The following PCDH9 variants were observed in gnomAD, a reference collection of about 807,000 sequenced individuals.
PCDH9 encodes the protein protocadherin 9, also known as protocadherin-9.
PCDH9 carries 24 observed loss-of-function variants against 70.6 expected under a neutral mutation model. The ratio of observed to expected loss-of-function variants is 0.34; its 90% CI spans 0.25 to 0.48. The LOEUF is 0.48. Ranked by LOEUF, PCDH9 falls within the 20% of genes least tolerant of loss-of-function variation. The pLI is 0.99. For synonymous variants in PCDH9, 562 were observed against 558.5 expected (o/e 1.01, Z -0.09); for missense variants, 1,281 against 1,503.6 (o/e 0.85, Z 2.45).
intron 2 of PCDH9, among the ~76,000 whole-genome samples, chr13:67,060,006 A>AG: frequency 6.6e-6 from 1 of 151,166 alleles, no homozygotes; most frequent in East Asian, 1.9e-4. Flanking sequence ...TATGAGTATG[A>AG]GGGGGTGTGG....
intron 3 of PCDH9, among the ~76,000 whole-genome samples, chr13:66,796,946 G>A (rs1566200298): frequency 6.6e-6 from 1 of 152,010 alleles, no homozygotes; most frequent in Non-Finnish European, 1.5e-5. Flanking sequence ...GGTGAGCACT[G>A]GAGAAAAAAA....
intron 3 of PCDH9, among the ~76,000 whole-genome samples, chr13:66,873,593 A>G (rs1474610288): frequency 6.6e-6 from 1 of 152,188 alleles, no homozygotes; most frequent in Non-Finnish European, 1.5e-5. Flanking sequence ...ATTGAATGCT[A>G]TAAATGTGTT....
intron 2 of PCDH9, among the ~76,000 whole-genome samples, chr13:67,045,765 C>T (rs1180759867): frequency 3.3e-5 from 5 of 152,058 alleles, no homozygotes; most frequent in African/African-American, 1.2e-4. Flanking sequence ...TGTGAGGCTT[C>T]GAGTTACTTT....
At chr13:67,024,301 G>T (rs2084736269) in intron 2 of PCDH9, among the ~76,000 whole-genome samples, 1 of 152,124 alleles carries the variant, frequency 6.6e-6, no homozygotes, top group Non-Finnish European at 1.5e-5. Flanking sequence ...GCAAACATTT[G>T]TATCAGAGTT....
intron 3 of PCDH9, among the ~76,000 whole-genome samples, chr13:66,749,746 T>G (rs1332766974): frequency 6.6e-6 from 1 of 152,128 alleles, no homozygotes; most frequent in African/African-American, 2.4e-5. Flanking sequence ...ACCTCTAGGT[T>G]CCAACACAAC....
At chr13:66,722,280 A>G (rs572871777) in intron 3 of PCDH9, among the ~76,000 whole-genome samples, 2 of 152,290 alleles carry the variant, frequency 1.3e-5, no homozygotes, top group East Asian at 3.9e-4. Context: ...TATGGTTAGA[A>G]CATAACTGCA....
intron 2 of PCDH9, among the ~76,000 whole-genome samples, chr13:66,984,417 G>A (rs1192457823): frequency 1.3e-5 from 2 of 152,008 alleles, no homozygotes; most frequent in Admixed American, 6.6e-5. Flanking sequence ...TAACAGATTT[G>A]CATGTGTTGC....
At chr13:66,739,154 C>T (rs1453848450) in intron 3 of PCDH9, among the ~76,000 whole-genome samples, 12 of 144,968 alleles carry the variant, frequency 8.3e-5, no homozygotes, top group Non-Finnish European at 1.2e-4. Flanking sequence ...CGGCAGAAAC[C>T]CTACAAGCTA....
chr13:66,655,951 T>C (rs1394840868), intron 3 of PCDH9, among the ~76,000 whole-genome samples: 1 of 152,218 alleles, frequency 6.6e-6, no homozygotes, highest in African/African-American at 2.4e-5. Flanking sequence ...GTTTAATGCC[T>C]GAGTGCTATA....
chr13:66,473,026 A>AT (rs1373459296), intron 4 of PCDH9, among the ~76,000 whole-genome samples: 2 of 151,762 alleles, frequency 1.3e-5, no homozygotes, highest in Non-Finnish European at 2.9e-5. Flanking sequence ...TAAATTTTAT[A>AT]TTTTTTATGG....
chr13:66,879,555 A>G (rs1339579762), intron 3 of PCDH9, among the ~76,000 whole-genome samples: 7 of 152,196 alleles, frequency 4.6e-5, no homozygotes, highest in African/African-American at 1.7e-4. Flanking sequence ...AGCTTTGGAA[A>G]AGAAACTAAT....
At chr13:66,389,701 G>T (rs991356023) in intron 4 of PCDH9, among the ~76,000 whole-genome samples, 1 of 152,094 alleles carries the variant, frequency 6.6e-6, no homozygotes, top group Non-Finnish European at 1.5e-5. Context: ...TGAGCTAGAG[G>T]GGTCTAAATG....
At chr13:66,778,932 T>C (rs1034209742) in intron 3 of PCDH9, among the ~76,000 whole-genome samples, 1 of 152,226 alleles carries the variant, frequency 6.6e-6, no homozygotes, top group Non-Finnish European at 1.5e-5. Flanking sequence ...TATCTTTTTA[T>C]TTACAACATA....
intron 2 of PCDH9, among the ~76,000 whole-genome samples, chr13:67,161,506 T>G (rs912797442): frequency 1.3e-5 from 2 of 152,198 alleles, no homozygotes; most frequent in Non-Finnish European, 2.9e-5. Flanking sequence ...CCTCTTGTTC[T>G]AAACACAGTT....
intron 3 of PCDH9, among the ~76,000 whole-genome samples, chr13:66,777,300 A>C (rs1395873487): frequency 2.0e-5 from 3 of 151,436 alleles, no homozygotes; most frequent in Middle Eastern, 6.3e-3. Context: ...TAAACTAAAG[A>C]GCTTCTGCAC....
At chr13:66,312,719 T>G (rs1955585101) in intron 4 of PCDH9, among the ~76,000 whole-genome samples, 1 of 152,204 alleles carries the variant, frequency 6.6e-6, no homozygotes, top group Non-Finnish European at 1.5e-5. Context: ...ATCTAGTGGT[T>G]CTATCAGAGT....
intron 3 of PCDH9, among the ~76,000 whole-genome samples, chr13:66,895,300 T>A (rs1330252709): frequency 6.6e-6 from 1 of 152,202 alleles, no homozygotes; most frequent in Non-Finnish European, 1.5e-5. Context: ...ATCTCACAGT[T>A]TTCAATCTTC....
chr13:66,435,337 G>A (rs963426487), intron 4 of PCDH9, among the ~76,000 whole-genome samples: 1 of 152,102 alleles, frequency 6.6e-6, no homozygotes, highest in African/African-American at 2.4e-5. Context: ...CATTAAATAT[G>A]TCCACTGTGA....
At chr13:66,420,122 G>T (rs1441922969) in intron 4 of PCDH9, among the ~76,000 whole-genome samples, 1 of 152,150 alleles carries the variant, frequency 6.6e-6, no homozygotes, top group Non-Finnish European at 1.5e-5. Context: ...TGCCTCTCTA[G>T]ATTCCTCCTC....
Sources: allele counts gnomAD v4.1 joint callset (sites outside exome capture counted in the v4.1 genomes callset), GRCh38; gene constraint gnomAD v4.1.1; transcripts MANE v1.5; gene names NCBI Gene and HGNC (gene_info 2026-07-23, HGNC 2026-07-21).